AP3B2: variants seen among roughly 807,000 people sequenced by gnomAD.
The protein encoded by AP3B2 is adaptor related protein complex 3 subunit beta 2.
In AP3B2, 50 loss-of-function variants were observed where a neutral mutation model predicts 126.9. The observed-to-expected ratio is 0.39, with a 90% CI of 0.31 to 0.50. The LOEUF (loss-of-function observed/expected upper bound fraction) is 0.50. Among genes scored for constraint, AP3B2 ranks in the 20% least tolerant of loss-of-function variants. AP3B2 has a pLI of 0.79. For missense variants in AP3B2, 1,177 were observed against 1,426.4 expected (o/e 0.83, Z 2.82); for synonymous variants, 541 against 565.0 (o/e 0.96, Z 0.60).
intron 10 of AP3B2, 110 bp downstream of exon 10, chr15:82,679,619 G>C: frequency 1.9e-6 from 2 of 1,049,740 alleles, no homozygotes; most frequent in Middle Eastern, 4.0e-4. Flanking sequence ...TGGGCTCCTG[G>C]GCTCAGCCCC....
intron 1 of AP3B2, among the ~76,000 whole-genome samples, chr15:82,690,639 C>CTTTTTTTTTTTTT (rs2048511675): frequency 9.7e-6 from 1 of 103,454 alleles, no homozygotes; most frequent in African/African-American, 3.9e-5. Context: ...ACATTTTCTT[C>CTTTTTTTTTTTTT]TTCTTTTTTT....
At chr15:82,699,564 G>A (rs981656623) in intron 1 of AP3B2, 1 of 399,224 alleles carries the variant, frequency 2.5e-6, no homozygotes, top group African/African-American at 2.1e-5. Context: ...GGTCTGGGCT[G>A]AGAGTGCAAC....
chr15:82,672,961 G>C (rs2048182623), intron 14 of AP3B2, among the ~76,000 whole-genome samples: 1 of 152,182 alleles, frequency 6.6e-6, no homozygotes, highest in Non-Finnish European at 1.5e-5. Context: ...GTGGATCGTG[G>C]CACCATGTGA....
intron 14 of AP3B2, among the ~76,000 whole-genome samples, chr15:82,673,585 T>C (rs1350856181): frequency 6.6e-6 from 1 of 152,108 alleles, no homozygotes; most frequent in Non-Finnish European, 1.5e-5. Context: ...TATGAAAGCA[T>C]TGAAAAGAAG....
chr15:82,673,236 G>T (rs1021625861), intron 14 of AP3B2, among the ~76,000 whole-genome samples: 4 of 152,162 alleles, frequency 2.6e-5, no homozygotes, highest in Non-Finnish European at 4.4e-5. Context: ...TTATTTTTGA[G>T]ATGGATCTTG....
chr15:82,665,672 C>G lies in AP3B2; in HGVS notation c.1853-97G>C. ...GGCTGGGTGGTGATTCTGGTTGGGA[C>G]TTCCCAGGTGGGTAGGGGAAGGAGA... is the stretch of plus-strand genomic sequence containing the variant. On this transcript the variant is annotated intron_variant, in intron 15 of 26. Coordinates refer to ENST00000535359, the MANE Select transcript of AP3B2 (RefSeq NM_001278512.2). This position sits in a 1 kb window ranked among gnomAD's most constrained non-coding sequence, Gnocchi z 4.4. 1 of 909,152 alleles carries G rather than the reference C, an allele frequency of 1.1e-6. No individual in the cohort carries two copies. The highest frequency in any genetic ancestry group is 1.8e-6 in the Non-Finnish European group (1 of 565,904). The allele number at this position is 909,152 out of a possible 1,614,324, so 56.3% of individuals were successfully genotyped here. A position where few individuals can be genotyped will look rare whatever the true frequency, so the allele number is the denominator to read the frequency against.
At chr15:82,701,688 G>T in intron 1 of AP3B2, among the ~76,000 whole-genome samples, 1 of 152,202 alleles carries the variant, frequency 6.6e-6, no homozygotes, top group Non-Finnish European at 1.5e-5. Flanking sequence ...AAGCAAATAA[G>T]GTACGATGTC....
At position 82,663,945 on chromosome 15, in the gene AP3B2, C is replaced by T. The variant is rs2048005088; in HGVS notation, c.2292G>A (p.Lys764=). Residue 764 remains lysine, a synonymous_variant, in exon 20 of 27, where the codon AAG becomes AAA. Coordinates refer to ENST00000535359, the MANE Select transcript of AP3B2 (RefSeq NM_001278512.2). ...TTCTCTCTGGCACCTTCTTCTTTGT[C>T]TTCCTCTTACCATCCTCCTCACTCT... ...SEQSEEDGKR[K]TKKKVPERKG... 1 of 1,607,338 alleles carries T rather than the reference C, an allele frequency of 6.2e-7. No homozygotes were observed. The highest frequency in any genetic ancestry group is 8.5e-7 in the Non-Finnish European group (1 of 1,179,778).
chr15:82,700,082 G>C (rs149573041), intron 1 of AP3B2, among the ~76,000 whole-genome samples: 2 of 152,198 alleles, frequency 1.3e-5, no homozygotes, highest in East Asian at 3.9e-4. Context: ...TCTGGGCAAG[G>C]GACTAGATGG....
At position 82,680,558 on chromosome 15, in the gene AP3B2, C is replaced by G. The variant is rs771821182; in HGVS notation, c.969G>C (p.Ala323=). 7.0e-6 allele frequency: 11 copies of G among 1,575,054 alleles called. No homozygotes were observed. In the African/African-American group the frequency reaches 1.5e-4, roughly 21 times the overall value. The change falls in exon 8 of 27, where the codon GCG becomes GCC. Residue 323 remains alanine (A), a synonymous_variant. Transcript: ENST00000535359. The surrounding 1 kb of genome is among the most constrained non-coding windows in gnomAD (Gnocchi z 6.1). ...CCAGGTGGAAGTAGAGCTGCGCCAC[C>G]GCCATCACCACCGCGGCGCTGCGGC... The part of the protein sequence containing the change: ...LQSRSAAVVM[A]VAQLYFHLAP...
intron 4 of AP3B2, chr15:82,688,452 C>T (rs1028307187): frequency 2.3e-4 from 160 of 702,076 alleles, no homozygotes; most frequent in Non-Finnish European, 2.4e-4. Context: ...CTCCACTCTC[C>T]GGGGGCTCAA....
chr15:82,704,006 T>C (rs2048759161), intron 1 of AP3B2, among the ~76,000 whole-genome samples: 1 of 152,186 alleles, frequency 6.6e-6, no homozygotes, highest in Non-Finnish European at 1.5e-5. Context: ...TACAGTTTTG[T>C]TCTGCGACTA....
At chr15:82,666,524 C>A (rs908182888) in intron 15 of AP3B2, among the ~76,000 whole-genome samples, 26 of 152,148 alleles carry the variant, frequency 1.7e-4, no homozygotes, top group African/African-American at 5.6e-4. Context: ...TCCATCCTGG[C>A]CAGGAAGGCA....
Position 82,680,456 on chromosome 15 carries a change from TG to T in AP3B2, c.1055+15del, listed in dbSNP as rs1264504508. ...CAGGAGGCGAGGGAGGGGGCGGGGC[TG>T]GGGGCGGAGCGCACCTGTGGCTGCG... is the stretch of plus-strand genomic sequence containing the variant. On this transcript the variant is annotated intron_variant, in intron 8 of 26. Transcript: ENST00000535359. The surrounding 1 kb of genome is among the most constrained non-coding windows in gnomAD (Gnocchi z 6.1). 2.3e-6 allele frequency: 2 copies of T among 868,184 alleles called. No individual in the cohort carries two copies. The highest frequency in any genetic ancestry group is 3.0e-6 in the Non-Finnish European group (2 of 675,926). The allele number at this position is 868,184 out of a possible 1,614,324, so 53.8% of individuals were successfully genotyped here.
intron 3 of AP3B2, 158 bp downstream of exon 3, chr15:82,689,000 C>A: frequency 9.8e-7 from 1 of 1,021,638 alleles, no homozygotes; most frequent in Non-Finnish European, 1.5e-6. Context: ...TGATCCACAT[C>A]CAGTTCAGGG....
chr15:82,665,634 G>T lies in AP3B2; in HGVS notation c.1853-59C>A. ...GCAGTGAGGGAAAGCTCTGGGAGCT[G>T]TTTTCCAGGTGGGGCTGGGTGGTGA... On this transcript the variant is annotated intron_variant, in intron 15 of 26. Transcript: ENST00000535359. The surrounding 1 kb of genome is among the most constrained non-coding windows in gnomAD (Gnocchi z 4.4). 2 of 1,391,168 alleles carry T rather than the reference G, an allele frequency of 1.4e-6. No homozygotes were observed. Among genetic ancestry groups the T allele is most frequent in the Non-Finnish European group, 2.0e-6 (2 of 986,418 alleles). The allele number at this position is 1,391,168 out of a possible 1,614,324, so 86.2% of individuals were successfully genotyped here. A position where few individuals can be genotyped will look rare whatever the true frequency, so the allele number is the denominator to read the frequency against.
At position 82,680,332 on chromosome 15, in the gene AP3B2, T is replaced by C; in HGVS notation, c.1056-103A>G. 3 of 1,555,240 alleles carry C rather than the reference T, an allele frequency of 1.9e-6. No individual in the cohort carries two copies. The highest frequency in any genetic ancestry group is 2.6e-6 in the Non-Finnish European group (3 of 1,145,260). On this transcript the variant is annotated intron_variant, in intron 8 of 26. Transcript: ENST00000535359. The surrounding 1 kb of genome is among the most constrained non-coding windows in gnomAD (Gnocchi z 6.1). ...CAAGTCGTTGCGGGGAGAGGACCAG[T>C]GCGGAGGGCAGGACTACGGTCAGTG...
At position 82,681,639 on chromosome 15, in the gene AP3B2, G is replaced by C; in HGVS notation, c.361-59C>G. ...GGCACCAGGTGCCCTGATGGGGGGA[G>C]GCCACACCTTTGGAAGTCACTGTCC... On this transcript the variant is annotated intron_variant, in intron 4 of 26. Transcript: ENST00000535359. The surrounding 1 kb of genome is among the most constrained non-coding windows in gnomAD (Gnocchi z 4.0). 2 of 1,562,130 alleles carry C rather than the reference G, an allele frequency of 1.3e-6. No homozygotes were observed. The highest frequency in any genetic ancestry group is 2.2e-5 in the East Asian group (1 of 44,572).
chr15:82,676,661 A>G (rs1415049956), intron 13 of AP3B2, 24 bp from the exon 14 acceptor site: 5 of 1,612,030 alleles, frequency 3.1e-6, no homozygotes, highest in Middle Eastern at 1.7e-4. Context: ...AGAGGAGTGA[A>G]GATGGGTAAA....
Sources: allele counts gnomAD v4.1 joint callset (sites outside exome capture counted in the v4.1 genomes callset), GRCh38; gene constraint gnomAD v4.1.1; non-coding constraint Gnocchi (gnomAD v3.1); transcripts MANE v1.5; gene names NCBI Gene and HGNC (gene_info 2026-07-23, HGNC 2026-07-21).